The following CCDC125 variants were observed in gnomAD, a reference collection of about 807,000 sequenced individuals.
The protein encoded by CCDC125 is coiled-coil domain containing 125, also known as coiled-coil domain-containing protein 125.
CCDC125 carries 43 observed loss-of-function variants against 57.4 expected under a neutral mutation model. The observed-to-expected ratio is 0.75, with a 90% CI of 0.59 to 0.97. The LOEUF is 0.97. Among genes scored for constraint, CCDC125 ranks in the 50% least tolerant of loss-of-function variants. The pLI is 0.00. For missense variants in CCDC125, 563 were observed against 595.7 expected (o/e 0.95, Z 0.57); for synonymous variants, 187 against 195.2 (o/e 0.96, Z 0.35).
chr5:69,298,021 G>GTTT (rs200950089), intron 8 of CCDC125, among the ~76,000 whole-genome samples: 5 of 144,010 alleles, frequency 3.5e-5, no homozygotes, highest in Non-Finnish European at 4.6e-5. Context: ...TAAAAATAAA[G>GTTT]TTTTTTTTTT....
At chr5:69,301,051 G>A (rs1329294465) in intron 7 of CCDC125, among the ~76,000 whole-genome samples, 19 of 126,864 alleles carry the variant, frequency 1.5e-4, no homozygotes, top group Admixed American at 4.8e-4. Context: ...GTGAGATTGC[G>A]CCATTGCACT....
chr5:69,286,234 A>ATATATATATATATATATAT (rs1554071341), intron 10 of CCDC125, among the ~76,000 whole-genome samples: 3 of 48,412 alleles, frequency 6.2e-5, no homozygotes, highest in African/African-American at 8.7e-5. Context: ...ATATATATAT[A>ATATATATATATATATATAT]ATTTTTTTTT....
intron 1 of CCDC125, among the ~76,000 whole-genome samples, chr5:69,330,590 T>A: frequency 9.0e-6 from 1 of 110,632 alleles, no homozygotes; most frequent in East Asian, 3.0e-4. Context: ...CAAGACTCCA[T>A]CTAAAAAAAA....
chr5:69,278,686 G>A (rs1466345626), downstream of CCDC125, among the ~76,000 whole-genome samples: 2 of 145,904 alleles, frequency 1.4e-5, no homozygotes, highest in African/African-American at 2.5e-5. Context: ...TATATAAATT[G>A]ATAGAATCTC....
downstream of CCDC125, chr5:69,277,276 A>G: frequency 2.1e-6 from 1 of 471,922 alleles, no homozygotes; most frequent in South Asian, 7.3e-5. Flanking sequence ...ACTATGGGTT[A>G]TTTTTATTAA....
chr5:69,304,671 C>CA (rs1237548168), intron 6 of CCDC125, among the ~76,000 whole-genome samples: 34 of 151,994 alleles, frequency 2.2e-4, no homozygotes, highest in Admixed American at 2.2e-3. Context: ...GTGATCTGCC[C>CA]ACCTCGGCCT....
At chr5:69,317,776 G>C (rs1410730504) in intron 2 of CCDC125, among the ~76,000 whole-genome samples, 1 of 152,008 alleles carries the variant, frequency 6.6e-6, no homozygotes, top group African/African-American at 2.4e-5. Flanking sequence ...AAGACTAACT[G>C]TTTTGACAAT....
the CCDC125 span, among the ~76,000 whole-genome samples, chr5:69,274,926 T>C: frequency 1.3e-5 from 2 of 152,034 alleles, no homozygotes; most frequent in Admixed American, 1.3e-4. Flanking sequence ...AGAAGTATTT[T>C]AAATCATTGT....
chr5:69,283,029 A>G lies in CCDC125; in HGVS notation c.1236T>C (p.Asn412=). The G allele has an allele frequency of 6.3e-7, 1 of 1,580,458 alleles. No individual in the cohort carries two copies. The highest frequency in any genetic ancestry group is 8.6e-7 in the Non-Finnish European group (1 of 1,167,638). ...GATGAGCCAAAGCTTCTTCTTTATC[A>G]TTAAGCTGCATGCACAGAAATTAAA... ...EVLKMLIDLL[N]DKEEALAHQR... is the part of the protein sequence containing the mutation. The change falls in exon 12 of 12, where the codon AAT becomes AAC. Residue 412 remains asparagine, a synonymous_variant. Transcript: ENST00000396496.
chr5:69,285,918 C>T (rs1363519571), intron 10 of CCDC125, among the ~76,000 whole-genome samples: 1 of 152,100 alleles, frequency 6.6e-6, no homozygotes, highest in Non-Finnish European at 1.5e-5. Context: ...AATCCTCATT[C>T]AGCCACTTAC....
chr5:69,275,639 T>C (rs918469256), downstream of CCDC125, among the ~76,000 whole-genome samples: 3 of 152,218 alleles, frequency 2.0e-5, no homozygotes, highest in African/African-American at 7.2e-5. Context: ...CTTTGTTTTA[T>C]GTACAAAATT....
At chr5:69,308,425 A>G (rs79255542) in intron 4 of CCDC125, 3 of 234,130 alleles carry the variant, frequency 1.3e-5, no homozygotes, top group African/African-American at 2.2e-5. Context: ...GGTTTTCCCC[A>G]TACTGTTCTC....
At chr5:69,277,942 G>C (rs913269807), downstream of CCDC125, among the ~76,000 whole-genome samples, 1 of 152,184 alleles carries the variant, frequency 6.6e-6, no homozygotes, top group Non-Finnish European at 1.5e-5. Context: ...TTGGAGTGCA[G>C]GGGCACAATC....
chr5:69,299,767 G>A (rs934763421), intron 8 of CCDC125, among the ~76,000 whole-genome samples: 14 of 152,302 alleles, frequency 9.2e-5, no homozygotes, highest in African/African-American at 3.4e-4. Context: ...CGCTAGAACT[G>A]TAAAGATGAG....
intron 11 of CCDC125, among the ~76,000 whole-genome samples, chr5:69,283,876 G>A (rs1008628778): frequency 4.6e-5 from 7 of 150,758 alleles, no homozygotes; most frequent in East Asian, 2.0e-4. Context: ...TGCAAGCTCC[G>A]CTCTCCTGGG....
intron 7 of CCDC125, among the ~76,000 whole-genome samples, chr5:69,302,316 G>A (rs1756595211): frequency 6.7e-6 from 1 of 149,676 alleles, no homozygotes; most frequent in Non-Finnish European, 1.5e-5. Flanking sequence ...CAGCTTCTTG[G>A]GAGGCTGAGG....
chr5:69,278,630 G>A (rs922971455), downstream of CCDC125, among the ~76,000 whole-genome samples: 3 of 151,330 alleles, frequency 2.0e-5, no homozygotes, highest in African/African-American at 7.3e-5. Flanking sequence ...AGTGCATGTA[G>A]TGAGATGCAT....
intron 11 of CCDC125, among the ~76,000 whole-genome samples, chr5:69,283,742 C>T (rs556858605): frequency 8.4e-4 from 127 of 151,894 alleles, no homozygotes; most frequent in Non-Finnish European, 1.3e-3. Flanking sequence ...CTCGCCTCGG[C>T]CTCCCAAAGT....
At chr5:69,287,844 C>T (rs1337884477) in intron 10 of CCDC125, among the ~76,000 whole-genome samples, 1 of 152,084 alleles carries the variant, frequency 6.6e-6, no homozygotes, top group Non-Finnish European at 1.5e-5. Flanking sequence ...GCTGGGATTA[C>T]AGGCATGAGC....
Sources: gnomAD v4.1 joint callset for allele counts (sites outside exome capture counted in the v4.1 genomes callset) on GRCh38, gnomAD v4.1.1 for gene constraint, MANE v1.5 for transcripts, NCBI Gene and HGNC (gene_info 2026-07-23, HGNC 2026-07-21) for gene names.